MYH15: variants seen among roughly 807,000 people sequenced by gnomAD.
MYH15 encodes myosin-15.
In MYH15, 227 loss-of-function variants were observed where a neutral mutation model predicts 240.5. The observed-to-expected ratio is 0.94, with a 90% CI of 0.85 to 1.05. MYH15 has a LOEUF of 1.05. Ranked by LOEUF, MYH15 falls within the 50% of genes least tolerant of loss-of-function variation. The pLI is 0.00. For missense variants in MYH15, 2,217 were observed against 2,247.5 expected (o/e 0.99, Z 0.27); for synonymous variants, 785 against 796.7 (o/e 0.99, Z 0.25).
intron 1 of MYH15, among the ~76,000 whole-genome samples, chr3:108,520,850 C>T (rs943975632): frequency 1.3e-5 from 2 of 151,974 alleles, no homozygotes; most frequent in Non-Finnish European, 1.5e-5. Context: ...TCTGAGAATA[C>T]TAAGAAAGAA....
chr3:108,424,556 C>T (rs185505576), intron 27 of MYH15, among the ~76,000 whole-genome samples: 1 of 152,234 alleles, frequency 6.6e-6, no homozygotes, highest in East Asian at 1.9e-4. Context: ...CATAAAAATG[C>T]TGCCTCCCAG....
Position 108,459,365 on chromosome 3 carries a change from G to T in MYH15, c.2017C>A (p.Pro673Thr). The change falls in exon 18 of 41, where the codon CCA becomes ACA. Residue 673 changes from proline to threonine, a missense_variant. Transcript: ENST00000693548. ...TACAAAGAAATCTAGTTCTTACCTG[G>T]TATTTTGTTCACATTGGGATTTATG... Reference protein sequence around the residue: ...RCINPNVNKIPGILDPYLVLQ... With the variant: ...RCINPNVNKITGILDPYLVLQ... The T allele has an allele frequency of 6.4e-7, 1 of 1,568,906 alleles. No homozygotes were observed. Among genetic ancestry groups the T allele is most frequent in the South Asian group, 1.2e-5 (1 of 86,170 alleles).
intron 25 of MYH15, among the ~76,000 whole-genome samples, chr3:108,431,913 C>G (rs1212942670): frequency 6.6e-6 from 1 of 152,156 alleles, no homozygotes; most frequent in Non-Finnish European, 1.5e-5. Context: ...TATGTTTTAG[C>G]AAAGAGACTG....
intron 27 of MYH15, among the ~76,000 whole-genome samples, chr3:108,421,507 G>T (rs896763992): frequency 2.0e-5 from 3 of 152,232 alleles, no homozygotes; most frequent in Non-Finnish European, 4.4e-5. Context: ...AAGGAAACAT[G>T]TCAAACGCTA....
chr3:108,504,399 G>C (rs972669885), intron 2 of MYH15, among the ~76,000 whole-genome samples: 1 of 151,976 alleles, frequency 6.6e-6, no homozygotes, highest in Non-Finnish European at 1.5e-5. Flanking sequence ...ATTTTTTTAC[G>C]TAACAGATAT....
intron 16 of MYH15, chr3:108,461,857 C>G (rs556730291): frequency 6.6e-6 from 1 of 152,052 alleles, no homozygotes; most frequent in East Asian, 1.9e-4. Flanking sequence ...CTATGTCAGT[C>G]GAGAGAACCA....
At chr3:108,405,229 T>G in intron 33 of MYH15, 109 bp downstream of exon 33, 1 of 491,456 alleles carries the variant, frequency 2.0e-6, no homozygotes, top group Admixed American at 3.8e-5. Context: ...ACTAAGTTTC[T>G]TTGGTAATGC....
At chr3:108,542,861 C>G in the MYH15 span, among the ~76,000 whole-genome samples, 1 of 150,422 alleles carries the variant, frequency 6.6e-6, no homozygotes, top group African/African-American at 2.5e-5. Context: ...CATGTCCCTG[C>G]AAATGACATG....
chr3:108,525,854 A>T (rs973839392), intron 1 of MYH15, among the ~76,000 whole-genome samples: 5 of 152,154 alleles, frequency 3.3e-5, no homozygotes, highest in African/African-American at 1.2e-4. Flanking sequence ...AAAATAATGC[A>T]GACTATTTGA....
Position 108,389,070 on chromosome 3 carries a change from C to T in MYH15, c.5435G>A (p.Arg1812His), listed in dbSNP as rs751904357. The T allele has an allele frequency of 4.5e-5, 72 of 1,613,660 alleles. No homozygotes were observed. The highest frequency in any genetic ancestry group is 5.3e-5 in the African/African-American group (4 of 74,886). The stretch of plus-strand genomic sequence containing the variant: ...ACCCTCCAGTTCACCTTCCAGTTCA[C>T]GAACCTGCAACCAAAACGTGACCTC... ...KQIQKLESRV[R>H]ELEGELEGEI... Residue 1812 changes from arginine to histidine, a missense_variant, in exon 38 of 41, where the codon CGT (arginine) becomes CAT (histidine). By Grantham distance (29) the Arg-to-His change is conservative. Coordinates refer to ENST00000693548, the MANE Select transcript of MYH15 (RefSeq NM_014981.3).
chr3:108,470,586 AGGTTTGCATAGAAT>A, intron 13 of MYH15, 98 bp downstream of exon 13: 2 of 1,045,036 alleles, frequency 1.9e-6, no homozygotes, highest in Non-Finnish European at 2.7e-6. Context: ...GTAGCCCTTA[AGGTTTGCATAGAAT>A]GATCCCCATG....
chr3:108,399,377 T>G, intron 33 of MYH15, 110 bp from the exon 34 acceptor site: 2 of 970,636 alleles, frequency 2.1e-6, no homozygotes, highest in Non-Finnish European at 3.0e-6. Context: ...AAATCCAAGA[T>G]AAATTTTAAG....
rs1174989679 is a variant in MYH15, at chr3:108,381,192, A to G, written c.*353T>C. ...CATGCCCTAGTCCCCATGAAGCGTG[A>G]CTGGTCTAAGGACATCTTCTATGAG... On this transcript the variant is annotated 3_prime_UTR_variant, in exon 41 of 41. Coordinates refer to ENST00000693548, the MANE Select transcript of MYH15 (RefSeq NM_014981.3). 1 of 273,262 alleles carries G rather than the reference A, an allele frequency of 3.7e-6. No homozygotes were observed. Among genetic ancestry groups the G allele is most frequent in the East Asian group, 8.6e-5 (1 of 11,646 alleles). 16.9% of individuals were successfully genotyped at this position (273,262 alleles called of 1,614,324 possible).
chr3:108,507,330 C>A (rs1341680835), intron 1 of MYH15, among the ~76,000 whole-genome samples: 3 of 136,916 alleles, frequency 2.2e-5, no homozygotes, highest in African/African-American at 2.8e-5. Flanking sequence ...CAGGTCACAG[C>A]TACTCAGGTA....
At chr3:108,472,825 T>A (rs1483281939) in intron 12 of MYH15, among the ~76,000 whole-genome samples, 4 of 152,206 alleles carry the variant, frequency 2.6e-5, no homozygotes, top group African/African-American at 7.2e-5. Context: ...ATCATTTTCA[T>A]CATTTTCTGT....
chr3:108,520,610 C>T (rs2083610620), intron 1 of MYH15, among the ~76,000 whole-genome samples: 1 of 152,110 alleles, frequency 6.6e-6, no homozygotes, highest in African/African-American at 2.4e-5. Context: ...ATTTCTATAA[C>T]CAAAATCCGC....
At chr3:108,413,613 C>G (rs1016736572) in intron 30 of MYH15, among the ~76,000 whole-genome samples, 29 of 152,182 alleles carry the variant, frequency 1.9e-4, no homozygotes, top group African/African-American at 6.5e-4. Context: ...AGTCTCAATT[C>G]AGCTGTGCCC....
intron 8 of MYH15, among the ~76,000 whole-genome samples, chr3:108,492,866 C>A (rs1319244571): frequency 6.6e-6 from 1 of 151,944 alleles, no homozygotes; most frequent in Non-Finnish European, 1.5e-5. Flanking sequence ...TAGAGGATTG[C>A]TTGATCCCAG....
intron 10 of MYH15, among the ~76,000 whole-genome samples, chr3:108,486,080 A>G (rs2083303091): frequency 6.6e-6 from 1 of 152,260 alleles, no homozygotes; most frequent in Non-Finnish European, 1.5e-5. Flanking sequence ...TCTATGCAGC[A>G]TAATTACAGT....
Sources: gnomAD v4.1 joint callset for allele counts (sites outside exome capture counted in the v4.1 genomes callset) on GRCh38, gnomAD v4.1.1 for gene constraint, MANE v1.5 for transcripts, NCBI Gene and HGNC (gene_info 2026-07-23, HGNC 2026-07-21) for gene names.